ADAMTS19: variants seen among roughly 807,000 people sequenced by gnomAD.
ADAMTS19 encodes A disintegrin and metalloproteinase with thrombospondin motifs 19.
In ADAMTS19, 93 loss-of-function variants were observed where a neutral mutation model predicts 153.3. The ratio of observed to expected loss-of-function variants is 0.61; its 90% confidence interval spans 0.51 to 0.72. The LOEUF is 0.72. ADAMTS19 is among the 30% of genes least tolerant of loss of function. The pLI is 0.00. For synonymous variants in ADAMTS19, 600 were observed against 556.6 expected (o/e 1.08, Z -1.10); for missense variants, 1,482 against 1,552.1 (o/e 0.95, Z 0.76).
chr5:129,682,960 C>T (rs952743660), intron 17 of ADAMTS19, among the ~76,000 whole-genome samples: 3 of 151,990 alleles, frequency 2.0e-5, no homozygotes, highest in Admixed American at 6.6e-5. Context: ...TTTCAATTTT[C>T]CTATGGAATG....
At chr5:129,589,883 C>T (rs1283887869) in intron 7 of ADAMTS19, among the ~76,000 whole-genome samples, 2 of 151,946 alleles carry the variant, frequency 1.3e-5, no homozygotes, top group African/African-American at 4.8e-5. Flanking sequence ...TATCACAGGA[C>T]TAGCAAAGAT....
intron 2 of ADAMTS19, among the ~76,000 whole-genome samples, chr5:129,495,447 A>G (rs1750897229): frequency 6.6e-6 from 1 of 152,118 alleles, no homozygotes; most frequent in East Asian, 1.9e-4. Context: ...TAACGGGACC[A>G]TGAGAATATT....
At position 129,732,145 on chromosome 5, in the gene ADAMTS19, C is replaced by T. The variant is rs1331916616; in HGVS notation, c.3313-2787C>T. On this transcript the variant is annotated intron_variant, in intron 21 of 22. Coordinates refer to ENST00000274487, the MANE Select transcript of ADAMTS19 (RefSeq NM_133638.6). ...CAAAATATTTTACAAATGAAAATAA[C>T]ATTTAGTTGAAATGCAAGAAATCGG... Among the ~76,000 whole-genome samples, 3 of 151,982 alleles carry T rather than the reference C, an allele frequency of 2.0e-5. 1 individual carries two copies. The highest frequency in any genetic ancestry group is 7.2e-5 in the African/African-American group (3 of 41,388).
At chr5:129,581,718 C>T (rs1749525112) in intron 7 of ADAMTS19, among the ~76,000 whole-genome samples, 1 of 152,096 alleles carries the variant, frequency 6.6e-6, no homozygotes, top group Admixed American at 6.5e-5. Flanking sequence ...TATAACTTTT[C>T]CACTTTCTGC....
intron 16 of ADAMTS19, among the ~76,000 whole-genome samples, chr5:129,675,326 T>C (rs1039525832): frequency 6.6e-6 from 1 of 152,224 alleles, no homozygotes; most frequent in Admixed American, 6.5e-5. Context: ...TTGAGCACAA[T>C]GTCTTCAAAT....
rs1005764366 is a variant in ADAMTS19, at chr5:129,461,232, C to A, written c.222C>A (p.Gly74=). 3.2e-6 allele frequency: 4 copies of A among 1,266,800 alleles called. No homozygotes were observed. The highest frequency in any genetic ancestry group is 3.0e-4 in the Middle Eastern group (1 of 3,288). 78.5% of individuals were successfully genotyped at this position (1,266,800 alleles called of 1,614,324 possible). The change falls in exon 2 of 23, where the codon GGC becomes GGA. Residue 74 remains glycine, a synonymous_variant. Transcript: ENST00000274487. This position sits in a 1 kb window ranked among gnomAD's most constrained non-coding sequence, Gnocchi z 4.6. Reference sequence around the variant, plus strand: ...CGGGCTGGGTGCGCGGCGTTGGGGGCGGCGGAAGCGCCCGGGCGCAGGCTG... The same window carrying A: ...CGGGCTGGGTGCGCGGCGTTGGGGGAGGCGGAAGCGCCCGGGCGCAGGCTG... ...ADPGWVRGVG[G]GGSARAQAAG...
At chr5:129,538,326 A>G (rs1201914525) in intron 6 of ADAMTS19, among the ~76,000 whole-genome samples, 1 of 152,094 alleles carries the variant, frequency 6.6e-6, no homozygotes, top group African/African-American at 2.4e-5. Flanking sequence ...AAATACATGG[A>G]GTTACATTAT....
chr5:129,654,949 G>A (rs984699834), intron 14 of ADAMTS19, among the ~76,000 whole-genome samples: 7 of 151,958 alleles, frequency 4.6e-5, no homozygotes, highest in Non-Finnish European at 1.5e-5. Flanking sequence ...CCATTTATAT[G>A]CATGTATGTG....
At chr5:129,594,752 A>G (rs1348986691) in intron 7 of ADAMTS19, among the ~76,000 whole-genome samples, 1 of 152,052 alleles carries the variant, frequency 6.6e-6, no homozygotes, top group African/African-American at 2.4e-5. Context: ...GTTGTTTAAT[A>G]GAACTATAAT....
At chr5:129,694,691 A>G (rs1018986530) in intron 18 of ADAMTS19, 29 bp from the exon 19 acceptor site, 2 of 1,504,542 alleles carry the variant, frequency 1.3e-6, no homozygotes, top group South Asian at 1.4e-5. Flanking sequence ...GCTTATAATA[A>G]TATTTCTTTG....
intron 2 of ADAMTS19, among the ~76,000 whole-genome samples, chr5:129,503,954 C>T (rs565803531): frequency 1.2e-4 from 19 of 152,214 alleles, no homozygotes; most frequent in Admixed American, 3.3e-4. Flanking sequence ...TGTTTACAAC[C>T]GAAACACTTC....
At position 129,594,997 on chromosome 5, in the gene ADAMTS19, C is replaced by G. The variant is rs530789067; in HGVS notation, c.1373-1562C>G. On this transcript the variant is annotated intron_variant, in intron 7 of 22. Transcript: ENST00000274487. ...TCATCTGTTTGTAGATGATAAATTTCTATAAAATCTATTTTAATTTGTAAA... is the reference window on the plus strand; with the variant it reads ...TCATCTGTTTGTAGATGATAAATTTGTATAAAATCTATTTTAATTTGTAAA... 2.6e-5 allele frequency among the ~76,000 whole-genome samples: 4 copies of G among 152,150 alleles called. No individual in the cohort carries two copies. The East Asian group carries it at 7.7e-4, about 29-fold the overall frequency.
intron 10 of ADAMTS19, among the ~76,000 whole-genome samples, chr5:129,627,909 A>G (rs1037490379): frequency 6.6e-6 from 1 of 151,596 alleles, no homozygotes; most frequent in Non-Finnish European, 1.5e-5. Flanking sequence ...TAAAAAAAAA[A>G]CTACCCATAA....
At chr5:129,608,090 A>ATGCG (rs1554098185) in intron 8 of ADAMTS19, among the ~76,000 whole-genome samples, 1 of 104,546 alleles carries the variant, frequency 9.6e-6, no homozygotes, top group East Asian at 2.8e-4. Context: ...TTTTATATAT[A>ATGCG]TGTGTGTGTG....
intron 2 of ADAMTS19, among the ~76,000 whole-genome samples, chr5:129,471,057 C>A (rs1310025979): frequency 9.4e-6 from 1 of 106,514 alleles, no homozygotes; most frequent in Non-Finnish European, 1.7e-5. Context: ...GTGTAGATAT[C>A]AGGATCAAAA....
chr5:129,507,138 A>C (rs1254456515), intron 2 of ADAMTS19, among the ~76,000 whole-genome samples: 1 of 152,040 alleles, frequency 6.6e-6, no homozygotes, highest in African/African-American at 2.4e-5. Flanking sequence ...TCACAAATTT[A>C]TGATTTTCAG....
intron 6 of ADAMTS19, among the ~76,000 whole-genome samples, chr5:129,540,889 T>C (rs1752633662): frequency 6.6e-6 from 1 of 152,112 alleles, no homozygotes. Flanking sequence ...AACTCTGTGA[T>C]GCAGACTTCG....
intron 2 of ADAMTS19, among the ~76,000 whole-genome samples, chr5:129,479,561 T>C (rs976520829): frequency 1.3e-5 from 2 of 152,188 alleles, no homozygotes; most frequent in Non-Finnish European, 2.9e-5. Flanking sequence ...GAAAACATGA[T>C]GGTCTATAGA....
At chr5:129,658,335 A>AGAGAGAGAG (rs1753655507) in intron 14 of ADAMTS19, among the ~76,000 whole-genome samples, 1 of 84,260 alleles carries the variant, frequency 1.2e-5, no homozygotes, top group African/African-American at 4.9e-5. Flanking sequence ...GAAAGAAAGA[A>AGAGAGAGAG]AGAAAGAAAG....
Sources: gnomAD v4.1 joint callset for allele counts (sites outside exome capture counted in the v4.1 genomes callset) on GRCh38, gnomAD v4.1.1 for gene constraint, Gnocchi (gnomAD v3.1) non-coding constraint, MANE v1.5 for transcripts, NCBI Gene and HGNC (gene_info 2026-07-23, HGNC 2026-07-21) for gene names.